The following BEND7 variants were observed in gnomAD, a reference collection of about 807,000 sequenced individuals.
BEND7 encodes BEN domain containing 7, also known as BEN domain-containing protein 7.
In BEND7, 28 loss-of-function variants were observed where a neutral mutation model predicts 50.9. That is an observed-to-expected ratio of 0.55 (90% CI 0.41 to 0.75). The LOEUF is 0.75. Among genes scored for constraint, BEND7 ranks in the 30% least tolerant of loss-of-function variants. BEND7 has a pLI of 0.00. For missense variants in BEND7, 477 were observed against 491.3 expected, an observed-to-expected ratio of 0.97 and a Z score of 0.28; for synonymous variants, 170 against 183.9, an observed-to-expected ratio of 0.92 and a Z score of 0.61.
chr10:13,457,322 C>T (rs938820387), intron 6 of BEND7, among the ~76,000 whole-genome samples: 4 of 152,216 alleles, frequency 2.6e-5, no homozygotes, highest in Admixed American at 6.5e-5. Flanking sequence ...CAGATCAGAC[C>T]TTTCTAGTCC....
At chr10:13,492,196 C>T (rs1465651801) in intron 5 of BEND7, among the ~76,000 whole-genome samples, 1 of 152,100 alleles carries the variant, frequency 6.6e-6, no homozygotes, top group Non-Finnish European at 1.5e-5. Flanking sequence ...AGCATGACTG[C>T]TCCTTTTTTA....
chr10:13,500,745 T>A, intron 2 of BEND7: 1 of 985,396 alleles, frequency 1.0e-6, no homozygotes. Flanking sequence ...GCGAGGGGGT[T>A]TTGTCTTTCT....
chr10:13,459,122 T>C (rs1451888978), intron 6 of BEND7, among the ~76,000 whole-genome samples: 3 of 152,154 alleles, frequency 2.0e-5, no homozygotes, highest in African/African-American at 7.2e-5. Context: ...GGTTGAATGG[T>C]AAACAAACAA....
chr10:13,477,699 T>C (rs1446801460), intron 6 of BEND7, among the ~76,000 whole-genome samples: 1 of 152,386 alleles, frequency 6.6e-6, no homozygotes, highest in Admixed American at 6.5e-5. Flanking sequence ...TTTTATTAAC[T>C]GTTAAAAATT....
chr10:13,508,328 T>C (rs1437345002), intron 2 of BEND7, among the ~76,000 whole-genome samples: 1 of 152,126 alleles, frequency 6.6e-6, no homozygotes, highest in African/African-American at 2.4e-5. Flanking sequence ...AAACAAGTCC[T>C]TTTTTTCCCA....
intron 3 of BEND7, among the ~76,000 whole-genome samples, chr10:13,497,904 T>G (rs747130266): frequency 6.6e-6 from 1 of 152,126 alleles, no homozygotes. Flanking sequence ...ATAGAAAAAT[T>G]CACCAGAGCA....
At position 13,441,852 on chromosome 10, in the gene BEND7, C is replaced by G. The variant is rs946747703; in HGVS notation, c.1235-102G>C. ...TATGATGGAAATAATTTCTCCAAAC[C>G]TTCCTTGTAGCCCCCCAAAAGAAGA... is the stretch of plus-strand genomic sequence containing the variant. On this transcript the variant is annotated intron_variant, in intron 8 of 8. Transcript: ENST00000466271. The G allele has an allele frequency of 9.9e-5, 119 of 1,196,258 alleles. No individual in the cohort carries two copies. The East Asian group carries it at 2.9e-3, about 29-fold the overall frequency. The allele number at this position is 1,196,258 out of a possible 1,614,324, so 74.1% of individuals were successfully genotyped here.
intron 2 of BEND7, among the ~76,000 whole-genome samples, chr10:13,519,360 C>T (rs2078924180): frequency 6.6e-6 from 1 of 152,040 alleles, no homozygotes; most frequent in South Asian, 2.1e-4. Context: ...CCTGTAGTCC[C>T]AGCTACTCGG....
At chr10:13,438,960 C>G (rs993415835), downstream of BEND7, 25 of 543,054 alleles carry the variant, frequency 4.6e-5, no homozygotes, top group African/African-American at 3.8e-4. Context: ...ACTGGGAGGC[C>G]AGGACTCACT....
intron 6 of BEND7, among the ~76,000 whole-genome samples, chr10:13,476,070 G>GT (rs760849289): frequency 6.6e-5 from 10 of 152,056 alleles, no homozygotes; most frequent in Non-Finnish European, 1.5e-4. Context: ...TTAAATCTAC[G>GT]TGAGATCAAA....
At chr10:13,476,550 G>A (rs566544481) in intron 6 of BEND7, among the ~76,000 whole-genome samples, 6 of 152,120 alleles carry the variant, frequency 3.9e-5, no homozygotes, top group South Asian at 2.1e-4. Context: ...ATCCTACAAC[G>A]GGGGCTCTAA....
At chr10:13,505,377 C>T (rs1357852931) in intron 2 of BEND7, among the ~76,000 whole-genome samples, 1 of 152,204 alleles carries the variant, frequency 6.6e-6, no homozygotes, top group Non-Finnish European at 1.5e-5. Flanking sequence ...TGCCTGCTTG[C>T]TTTCAGCCCA....
chr10:13,476,413 A>G (rs1272283361), intron 6 of BEND7, among the ~76,000 whole-genome samples: 1 of 152,034 alleles, frequency 6.6e-6, no homozygotes, highest in Non-Finnish European at 1.5e-5. Flanking sequence ...TGAACTAAGA[A>G]CCCCCAACAA....
chr10:13,465,171 T>G (rs913966420), intron 6 of BEND7, among the ~76,000 whole-genome samples: 1 of 152,238 alleles, frequency 6.6e-6, no homozygotes, highest in African/African-American at 2.4e-5. Context: ...TCTCGTCTGT[T>G]ACTTAACTTG....
At chr10:13,459,817 G>T (rs1839843230) in intron 6 of BEND7, 1 of 151,854 alleles carries the variant, frequency 6.6e-6, no homozygotes, top group African/African-American at 2.4e-5. Flanking sequence ...TTTACTTGTT[G>T]GGGTCAAGGG....
At position 13,453,297 on chromosome 10, in the gene BEND7, C is replaced by T. The variant is rs1239598749; in HGVS notation, c.1064-639G>A. On this transcript the variant is annotated intron_variant, in intron 6 of 8. Coordinates refer to ENST00000466271, the MANE Select transcript of BEND7 (RefSeq NM_001369863.1). The stretch of plus-strand genomic sequence containing the variant: ...GGGAGGGCTATGCACAGTGTGTGGC[C>T]GCACACGCAGCGCTGGGGTTGACAT... 4.6e-5 allele frequency among the ~76,000 whole-genome samples: 7 copies of T among 152,280 alleles called. No homozygotes were observed. In the East Asian group the frequency reaches 5.8e-4, roughly 13 times the overall value.
Position 13,529,000 on chromosome 10 carries a change from G to T in BEND7, c.-467C>A. 6.9e-6 allele frequency: 1 copy of T among 145,966 alleles called. No individual in the cohort carries two copies. Among genetic ancestry groups the T allele is most frequent in the South Asian group, 1.8e-4 (1 of 5,516 alleles). The allele number at this position is 145,966 out of a possible 1,614,324, so 9.0% of individuals were successfully genotyped here. A position where few individuals can be genotyped will look rare whatever the true frequency, so the allele number is the denominator to read the frequency against. ...CCCGAAGACGCGGCGGGCGGGCTGC[G>T]GGGAGGGCGGCGGCGGGTGCAGAGC... On this transcript the variant is annotated 5_prime_UTR_variant, in exon 1 of 9. Coordinates refer to ENST00000466271, the MANE Select transcript of BEND7 (RefSeq NM_001369863.1).
Position 13,447,764 on chromosome 10 carries a change from C to T in BEND7, c.1184-448G>A, listed in dbSNP as rs140369923. On this transcript the variant is annotated intron_variant, in intron 7 of 8. Coordinates refer to ENST00000466271, the MANE Select transcript of BEND7 (RefSeq NM_001369863.1). Reference sequence around the variant, plus strand: ...TTCACTGTGTTAGCCAGGATGGTCTCGCTCTCCTGACCTCATGATATTAAA... The same window carrying T: ...TTCACTGTGTTAGCCAGGATGGTCTTGCTCTCCTGACCTCATGATATTAAA... Among the ~76,000 whole-genome samples, 105 of 152,160 alleles carry T rather than the reference C, an allele frequency of 6.9e-4. 1 individual carries two copies. The highest frequency in any genetic ancestry group is 6.3e-3 in the Admixed American group (96 of 15,278).
At chr10:13,442,078 T>C in intron 8 of BEND7, 1 of 325,342 alleles carries the variant, frequency 3.1e-6, no homozygotes, top group Non-Finnish European at 5.7e-6. Flanking sequence ...TGATGTGACA[T>C]GAATACCTTG....
Sources: allele counts gnomAD v4.1 joint callset (sites outside exome capture counted in the v4.1 genomes callset), GRCh38; gene constraint gnomAD v4.1.1; transcripts MANE v1.5; gene names NCBI Gene and HGNC (gene_info 2026-07-23, HGNC 2026-07-21).